KIF6: variants seen among roughly 807,000 people sequenced by gnomAD.
The protein encoded by KIF6 is kinesin-like protein KIF6.
Under a neutral mutation model 112.7 loss-of-function variants are expected in KIF6, and 106 were observed. The ratio of observed to expected loss-of-function variants is 0.94; its 90% CI spans 0.80 to 1.11. The LOEUF is 1.11. KIF6 is among the 50% of genes least tolerant of loss of function. KIF6 has a pLI of 0.00. For missense variants in KIF6, 929 were observed against 964.0 expected, an observed-to-expected ratio of 0.96 and a Z score of 0.48; for synonymous variants, 339 against 339.9, an observed-to-expected ratio of 1.00 and a Z score of 0.03.
intron 6 of KIF6, among the ~76,000 whole-genome samples, chr6:39,612,015 T>C (rs1170556247): frequency 1.3e-5 from 2 of 152,134 alleles, no homozygotes; most frequent in Admixed American, 6.5e-5. Context: ...GCACATAAAC[T>C]CAACCTATAT....
chr6:39,532,029 T>G (rs1159080969), intron 13 of KIF6, among the ~76,000 whole-genome samples: 1 of 152,124 alleles, frequency 6.6e-6, no homozygotes, highest in African/African-American at 2.4e-5. Context: ...GCTTGTAATA[T>G]TCCTTCTAGC....
At chr6:39,616,996 A>G (rs990860285) in intron 5 of KIF6, among the ~76,000 whole-genome samples, 1 of 152,134 alleles carries the variant, frequency 6.6e-6, no homozygotes, top group Non-Finnish European at 1.5e-5. Context: ...TGTAATTTTC[A>G]TGGGCTTGAA....
intron 9 of KIF6, among the ~76,000 whole-genome samples, chr6:39,579,968 A>C (rs1437191386): frequency 1.3e-5 from 2 of 151,896 alleles, no homozygotes; most frequent in African/African-American, 4.8e-5. Flanking sequence ...TCTTTTCCAA[A>C]ATAGACTTGG....
rs551935948 is a variant in KIF6, at chr6:39,521,718, T to C, written c.1645+18285A>G. ...GAGAGTCAGTCAATCAGAAGCCAGCTGATCTCCTCCACCCCCATTCTACCA... is the reference window on the plus strand; with the variant it reads ...GAGAGTCAGTCAATCAGAAGCCAGCCGATCTCCTCCACCCCCATTCTACCA... On this transcript the variant is annotated intron_variant, in intron 13 of 22. Coordinates refer to ENST00000287152, the MANE Select transcript of KIF6 (RefSeq NM_145027.6). 2.0e-5 allele frequency among the ~76,000 whole-genome samples: 3 copies of C among 152,300 alleles called. No individual in the cohort carries two copies. The East Asian group carries it at 5.8e-4, about 29-fold the overall frequency.
chr6:39,712,071 G>A (rs962056849), intron 3 of KIF6, among the ~76,000 whole-genome samples: 15 of 152,082 alleles, frequency 9.9e-5, no homozygotes, highest in African/African-American at 3.4e-4. Context: ...AAAAAATTAG[G>A]GAGTATAATA....
intron 15 of KIF6, among the ~76,000 whole-genome samples, chr6:39,400,971 G>A (rs532964267): frequency 7.9e-4 from 121 of 152,342 alleles, no homozygotes; most frequent in African/African-American, 2.5e-3. Flanking sequence ...ACAGTCCTTT[G>A]TGGGTTGGTA....
intron 15 of KIF6, among the ~76,000 whole-genome samples, chr6:39,391,195 G>A (rs1001026543): frequency 1.3e-5 from 2 of 152,186 alleles, no homozygotes; most frequent in South Asian, 4.1e-4. Context: ...ACCAGAAGTA[G>A]GACGGAAATG....
chr6:39,452,600 G>T (rs1772777647), intron 13 of KIF6, among the ~76,000 whole-genome samples: 1 of 152,172 alleles, frequency 6.6e-6, no homozygotes, highest in Admixed American at 6.5e-5. Context: ...GCACAAAAGT[G>T]ACTCATTTTA....
At chr6:39,462,442 G>A (rs944962008) in intron 13 of KIF6, among the ~76,000 whole-genome samples, 2 of 152,144 alleles carry the variant, frequency 1.3e-5, no homozygotes, top group African/African-American at 4.8e-5. Flanking sequence ...AGATCAACAC[G>A]AGATCACCTA....
rs558828026 is a variant in KIF6, at chr6:39,589,416, CGTT to C, written c.847-3015_847-3013del. On this transcript the variant is annotated intron_variant, in intron 7 of 22. Coordinates refer to ENST00000287152, the MANE Select transcript of KIF6 (RefSeq NM_145027.6). ...GCTTTCTGCTCTGCAAGGCCAGAGA[CGTT>C]GTCTCTCTTCTTCATAGCTCGACCC... 1.4e-3 allele frequency among the ~76,000 whole-genome samples: 217 copies of C among 152,282 alleles called. 1 individual carries two copies. Among genetic ancestry groups the C allele is most frequent in the Middle Eastern group, 3.4e-3 (1 of 294 alleles).
chr6:39,493,781 A>G (rs1458777983), intron 13 of KIF6, among the ~76,000 whole-genome samples: 1 of 152,176 alleles, frequency 6.6e-6, no homozygotes, highest in African/African-American at 2.4e-5. Flanking sequence ...ATTTTATAGC[A>G]ATTGTTCTTA....
chr6:39,431,999 G>T (rs998862037), intron 13 of KIF6, among the ~76,000 whole-genome samples: 17 of 151,896 alleles, frequency 1.1e-4, no homozygotes, highest in African/African-American at 3.9e-4. Flanking sequence ...TCCTTTGCCT[G>T]GGAGGCCTTT....
chr6:39,481,980 A>C (rs1480413430), intron 13 of KIF6, among the ~76,000 whole-genome samples: 1 of 151,342 alleles, frequency 6.6e-6, no homozygotes, highest in African/African-American at 2.4e-5. Context: ...TTAGTTCCTT[A>C]GAGATAAAGA....
chr6:39,490,941 T>A (rs1035149167), intron 13 of KIF6, among the ~76,000 whole-genome samples: 1 of 152,160 alleles, frequency 6.6e-6, no homozygotes, highest in Non-Finnish European at 1.5e-5. Context: ...ACATTCACCA[T>A]CCCTAACCCT....
At chr6:39,563,831 T>C (rs1447109591) in intron 10 of KIF6, among the ~76,000 whole-genome samples, 3 of 152,212 alleles carry the variant, frequency 2.0e-5, no homozygotes, top group Non-Finnish European at 4.4e-5. Context: ...AAGAGCTCAT[T>C]ATACCCTCAC....
At chr6:39,516,417 C>A (rs1386823028) in intron 13 of KIF6, among the ~76,000 whole-genome samples, 2 of 147,402 alleles carry the variant, frequency 1.4e-5, no homozygotes, top group African/African-American at 4.9e-5. Flanking sequence ...AATATTGTGT[C>A]ATACTGTATA....
intron 5 of KIF6, among the ~76,000 whole-genome samples, chr6:39,627,244 G>T (rs1784137221): frequency 6.6e-6 from 1 of 152,042 alleles, no homozygotes; most frequent in Non-Finnish European, 1.5e-5. Context: ...TTCCCTCAAG[G>T]ATGATTTCAT....
chr6:39,358,812 T>G (rs1764909990), intron 18 of KIF6, among the ~76,000 whole-genome samples: 1 of 152,200 alleles, frequency 6.6e-6, no homozygotes, highest in African/African-American at 2.4e-5. Flanking sequence ...TACCTGTGAC[T>G]TTGTCACCAA....
At chr6:39,351,508 C>T (rs960848604) in intron 19 of KIF6, among the ~76,000 whole-genome samples, 4 of 152,096 alleles carry the variant, frequency 2.6e-5, no homozygotes, top group African/African-American at 7.2e-5. Context: ...CCGGCTTTAG[C>T]CTCCCAAAGT....
Sources: allele counts gnomAD v4.1 joint callset (sites outside exome capture counted in the v4.1 genomes callset), GRCh38; gene constraint gnomAD v4.1.1; transcripts MANE v1.5; gene names NCBI Gene and HGNC (gene_info 2026-07-23, HGNC 2026-07-21).